UTP20: variants seen among roughly 807,000 people sequenced by gnomAD.
UTP20 encodes the protein small subunit processome component 20 homolog.
A neutral mutation model predicts 329.5 loss-of-function variants in UTP20; 164 were observed. That is an observed-to-expected ratio of 0.50 (90% CI 0.44 to 0.57). UTP20 has a LOEUF of 0.57. UTP20 is among the 20% of genes least tolerant of loss of function. The probability of loss-of-function intolerance (pLI) is 0.00; values close to 1 mark genes in which losing one functional copy is unlikely to be tolerated. For synonymous variants in UTP20, 1,151 were observed against 1,159.3 expected (o/e 0.99, Z 0.14); for missense variants, 3,055 against 3,284.2 (o/e 0.93, Z 1.71).
intron 2 of UTP20, among the ~76,000 whole-genome samples, chr12:101,283,130 T>G (rs1299639431): frequency 6.6e-6 from 1 of 152,174 alleles, no homozygotes; most frequent in Non-Finnish European, 1.5e-5. Flanking sequence ...GAGGTGAAAT[T>G]ACAGATTTGG....
At chr12:101,351,476 ACT>A (rs1486331389) in intron 38 of UTP20, among the ~76,000 whole-genome samples, 13 of 138,900 alleles carry the variant, frequency 9.4e-5, no homozygotes, top group Admixed American at 1.5e-4. Context: ...AGGTAAGTCC[ACT>A]CTCTGTTTTT....
intron 43 of UTP20, among the ~76,000 whole-genome samples, chr12:101,359,451 A>G (rs1593447973): frequency 6.8e-6 from 1 of 147,450 alleles, no homozygotes; most frequent in African/African-American, 2.6e-5. Flanking sequence ...TTTTTCTCCC[A>G]CTGGTTCCTG....
In UTP20 at chr12:101,319,549, T is replaced by C; in HGVS notation, c.2743T>C (p.Leu915=). The C allele has an allele frequency of 6.2e-7, 1 of 1,601,852 alleles. No individual in the cohort carries two copies. The highest frequency in any genetic ancestry group is 8.5e-7 in the Non-Finnish European group (1 of 1,177,734). ...CTCTGTTTTGTTTTTGTTTAGGCAA[T>C]TAATTGCTCATTTGCAAGTTTTCTC... ...KKTRRAAAKQ[L]IAHLQVFSKF... Residue 915 remains leucine, a synonymous_variant, in exon 23 of 62, where the codon TTA becomes CTA. Transcript: ENST00000261637.
In UTP20 at chr12:101,292,101, A is replaced by G. The variant is rs754341309; in HGVS notation, c.1170A>G (p.Glu390=). 2 of 1,612,050 alleles carry G rather than the reference A, an allele frequency of 1.2e-6. No individual in the cohort carries two copies. The highest frequency in any genetic ancestry group is 1.7e-6 in the Non-Finnish European group (2 of 1,179,434). The part of the protein sequence containing the change: ...LPETLIKETI[E]KIFESRFEKR... The stretch of plus-strand genomic sequence containing the variant: ...AGACCCTCATCAAAGAAACCATAGA[A>G]AAAGTAATTTACTTCAACAAATATT... The change falls in exon 10 of 62, where the codon GAA becomes GAG. Residue 390 remains glutamate (E), a synonymous_variant. Coordinates refer to ENST00000261637, the MANE Select transcript of UTP20 (RefSeq NM_014503.3).
In UTP20 at chr12:101,357,081, A is replaced by T. The variant is rs1317960400; in HGVS notation, c.5690A>T (p.Gln1897Leu). 8 of 1,605,914 alleles carry T rather than the reference A, an allele frequency of 5.0e-6. No homozygotes were observed. Among genetic ancestry groups the T allele is most frequent in the Middle Eastern group, 1.7e-4 (1 of 6,018 alleles). ...CAGACTACTCTTGTCCGTGGATACC[A>T]GGTAAATTGCATCTTGTGCTTTATA... ...ELQTTLVRGY[Q>L]VHVLTFTVHM... The change falls in exon 43 of 62, where the codon CAG becomes CTG. Residue 1897 changes from glutamine (Q) to leucine (L), a missense_variant and splice_region_variant. Around this residue, in one of 3 missense-constraint regions of UTP20, gnomAD observed 2,445 missense variants for 2,575.5 expected, o/e 0.95. Transcript: ENST00000261637.
chr12:101,375,054 CTATT>C, intron 55 of UTP20, 115 bp downstream of exon 55: 7 of 657,612 alleles, frequency 1.1e-5, no homozygotes, highest in Non-Finnish European at 1.7e-5. Flanking sequence ...ATAGCTATAG[CTATT>C]TATAGCTAAT....
At chr12:101,310,577 C>CAAAAAAAAAAAAAAAAAAAAAAAA (rs549641642) in intron 19 of UTP20, among the ~76,000 whole-genome samples, 11 of 44,364 alleles carry the variant, frequency 2.5e-4, no homozygotes, top group African/African-American at 8.8e-4. Context: ...CTCTGTCTCC[C>CAAAAAAAAAAAAAAAAAAAAAAAA]AAAAAAAAAA....
intron 54 of UTP20, 28 bp downstream of exon 54, chr12:101,373,795 G>A (rs746449916): frequency 6.2e-7 from 1 of 1,601,396 alleles, no homozygotes; most frequent in South Asian, 1.1e-5. Flanking sequence ...TCACAGTTCA[G>A]TGACAAGTCT....
intron 1 of UTP20, among the ~76,000 whole-genome samples, chr12:101,280,804 C>T (rs1238076098): frequency 1.3e-5 from 2 of 152,170 alleles, no homozygotes; most frequent in Non-Finnish European, 2.9e-5. Context: ...TTTGCTAGGT[C>T]CCCATGCTTA....
chr12:101,287,256 A>C (rs1448583240), intron 5 of UTP20, among the ~76,000 whole-genome samples: 1 of 152,224 alleles, frequency 6.6e-6, no homozygotes, highest in African/African-American at 2.4e-5. Context: ...CTCTTTTAGG[A>C]ACTTTGAATG....
intron 12 of UTP20, among the ~76,000 whole-genome samples, chr12:101,299,088 G>A (rs192088479): frequency 2.9e-4 from 44 of 152,232 alleles, no homozygotes; most frequent in African/African-American, 1.0e-3. Context: ...GGACCGAGGT[G>A]TAGTACATTG....
chr12:101,371,033 T>G, intron 50 of UTP20, 25 bp from the exon 51 acceptor site: 1 of 1,601,084 alleles, frequency 6.2e-7, no homozygotes, highest in Non-Finnish European at 8.6e-7. Context: ...ATGAAATGAG[T>G]ATGTCTTTTC....
chr12:101,382,018 C>CCA (rs1555203542), intron 58 of UTP20, among the ~76,000 whole-genome samples: 1 of 107,322 alleles, frequency 9.3e-6, no homozygotes, highest in Non-Finnish European at 1.7e-5. Context: ...GACTCTGTAT[C>CCA]AAAAAAAAAA....
chr12:101,316,589 C>G (rs1270508193), intron 21 of UTP20, among the ~76,000 whole-genome samples: 1 of 152,152 alleles, frequency 6.6e-6, no homozygotes, highest in African/African-American at 2.4e-5. Flanking sequence ...TTAACTTGGG[C>G]TAAGCTAGAG....
At chr12:101,382,852 TAAA>T (rs541190674) in intron 58 of UTP20, among the ~76,000 whole-genome samples, 186 bp from the exon 59 acceptor site, 8 of 133,486 alleles carry the variant, frequency 6.0e-5, no homozygotes, top group African/African-American at 8.1e-5. Flanking sequence ...GCTCTGTCTT[TAAA>T]AAAAAAAAAA....
intron 29 of UTP20, among the ~76,000 whole-genome samples, chr12:101,335,555 T>C (rs1041541192): frequency 5.9e-5 from 9 of 152,232 alleles, no homozygotes; most frequent in Non-Finnish European, 1.3e-4. Flanking sequence ...ACAAGCTTTC[T>C]AGATTTTCTA....
intron 30 of UTP20, among the ~76,000 whole-genome samples, chr12:101,338,491 C>T (rs1003314642): frequency 6.6e-6 from 1 of 152,122 alleles, no homozygotes; most frequent in Non-Finnish European, 1.5e-5. Context: ...AACTCTGCTG[C>T]AGGAAATTAT....
At chr12:101,315,663 A>G (rs1024427998) in intron 21 of UTP20, among the ~76,000 whole-genome samples, 1 of 152,230 alleles carries the variant, frequency 6.6e-6, no homozygotes, top group African/African-American at 2.4e-5. Flanking sequence ...TTCTTTGGGC[A>G]TAAATTTATA....
At chr12:101,373,315 C>T (rs942501797) in intron 52 of UTP20, 86 bp from the exon 53 acceptor site, 20 of 1,295,490 alleles carry the variant, frequency 1.5e-5, no homozygotes, top group Admixed American at 5.6e-5. Context: ...AGTAAACTGA[C>T]ACCTTGATAC....
Sources: gnomAD v4.1 joint callset for allele counts (sites outside exome capture counted in the v4.1 genomes callset) on GRCh38, gnomAD v4.1.1 for gene constraint, gnomAD v4.1.1 regional missense constraint, MANE v1.5 for transcripts, NCBI Gene and HGNC (gene_info 2026-07-23, HGNC 2026-07-21) for gene names.